The following ATP2B4 variants were observed in gnomAD, a reference collection of about 807,000 sequenced individuals.
The protein encoded by ATP2B4 is plasma membrane calcium-transporting ATPase 4.
Under a neutral mutation model 110.3 loss-of-function variants are expected in ATP2B4, and 39 were observed. That is an observed-to-expected ratio of 0.35 (90% CI 0.27 to 0.46). The LOEUF is 0.46. ATP2B4 is among the 20% of genes least tolerant of loss of function. The pLI is 1.00. For synonymous variants in ATP2B4, 538 were observed against 571.7 expected, an observed-to-expected ratio of 0.94 and a Z score of 0.84; for missense variants, 1,135 against 1,530.9, an observed-to-expected ratio of 0.74 and a Z score of 4.32.
intron 1 of ATP2B4, among the ~76,000 whole-genome samples, chr1:203,642,695 C>T (rs1663667770): frequency 6.6e-6 from 1 of 152,164 alleles, no homozygotes; most frequent in Non-Finnish European, 1.5e-5. Flanking sequence ...TGCCCTGTGT[C>T]CTAAATCACC....
chr1:203,725,184 G>A (rs1306482875), intron 19 of ATP2B4, among the ~76,000 whole-genome samples: 1 of 150,532 alleles, frequency 6.6e-6, no homozygotes, highest in Non-Finnish European at 1.5e-5. Flanking sequence ...CCCAGCTCTT[G>A]TTGCCCAGGC....
chr1:203,645,947 A>G (rs1445901786), intron 1 of ATP2B4, among the ~76,000 whole-genome samples: 1 of 151,144 alleles, frequency 6.6e-6, no homozygotes, highest in Non-Finnish European at 1.5e-5. Flanking sequence ...TCGTATGATC[A>G]TTCTTGTTTC....
At chr1:203,656,865 C>A in intron 1 of ATP2B4, 1 of 424,732 alleles carries the variant, frequency 2.4e-6, no homozygotes. Context: ...TGTAATAAAT[C>A]TCTTGATTGC....
Position 203,669,812 on chromosome 1 carries a change from T to C in ATP2B4, c.-464-12930T>C, listed in dbSNP as rs1411280392. On this transcript the variant is annotated intron_variant, in intron 1 of 20. Coordinates refer to ENST00000357681, the MANE Select transcript of ATP2B4 (RefSeq NM_001684.5). ...GGATGGAACAGAGAGAGGTGGCTCA[T>C]TCATTAATTGCACAGGTTAGGCCAG... Among the ~76,000 whole-genome samples the C allele has an allele frequency of 3.9e-5, 6 of 152,304 alleles. No individual in the cohort carries two copies. The East Asian group carries it at 9.6e-4, about 24-fold the overall frequency.
At chr1:203,648,103 T>C (rs1217219991) in intron 1 of ATP2B4, among the ~76,000 whole-genome samples, 1 of 152,140 alleles carries the variant, frequency 6.6e-6, no homozygotes, top group African/African-American at 2.4e-5. Context: ...CCTGTAAATC[T>C]GTGAGTGAGA....
intron 9 of ATP2B4, among the ~76,000 whole-genome samples, chr1:203,707,512 C>A (rs1362239195): frequency 6.6e-6 from 1 of 151,730 alleles, no homozygotes; most frequent in Non-Finnish European, 1.5e-5. Context: ...AATGATGCAA[C>A]CTCCGCCTCC....
At chr1:203,731,849 CAAAAAAA>C in intron 20 of ATP2B4, among the ~76,000 whole-genome samples, 1 of 51,074 alleles carries the variant, frequency 2.0e-5, no homozygotes, top group African/African-American at 9.0e-5. Context: ...GACTCTGTCT[CAAAAAAA>C]AAAAAAAAAA....
chr1:203,671,350 AT>A (rs1243213688), intron 1 of ATP2B4, among the ~76,000 whole-genome samples: 2 of 152,124 alleles, frequency 1.3e-5, no homozygotes, highest in Admixed American at 6.5e-5. Context: ...GATAAAAAAA[AT>A]AAGTCTCACT....
chr1:203,640,667 A>T (rs1396710403), intron 1 of ATP2B4, among the ~76,000 whole-genome samples: 1 of 152,196 alleles, frequency 6.6e-6, no homozygotes, highest in Non-Finnish European at 1.5e-5. Context: ...AGAAGTAATA[A>T]TCGAGCTAAC....
rs35019828 is a variant in ATP2B4 at position 203,704,467 on chromosome 1, C to CTTTTTTTTTTT, written c.1099+675_1099+685dup. On this transcript the variant is annotated intron_variant, in intron 8 of 20. Transcript: ENST00000357681. ...GTGGACATATCTCTCAAGGAACAGT[C>CTTTTTTTTTTT]TTTTTTTTTTTTTTTTTTTTTTTTT... Among the ~76,000 whole-genome samples, 13 of 68,792 alleles carry CTTTTTTTTTTT rather than the reference C, an allele frequency of 1.9e-4. 2 individuals are homozygous for CTTTTTTTTTTT. The East Asian group carries it at 2.1e-3, about 11-fold the overall frequency. 45.1% of individuals were successfully genotyped at this position (68,792 alleles called of 152,430 possible). A position where few individuals can be genotyped will look rare whatever the true frequency, so the allele number is the denominator to read the frequency against.
chr1:203,647,452 TAAC>T (rs897227414), intron 1 of ATP2B4, among the ~76,000 whole-genome samples: 95 of 148,188 alleles, frequency 6.4e-4, no homozygotes, highest in East Asian at 2.0e-4. Flanking sequence ...AAACAGAAAA[TAAC>T]AACAACAACA....
Position 203,664,507 on chromosome 1 carries a change from T to C in ATP2B4, c.-464-18235T>C, listed in dbSNP as rs1664443821. On this transcript the variant is annotated intron_variant, in intron 1 of 20. Transcript: ENST00000357681. ...TCAACTTTGGTATGGGGTAGATGACTTTTTGATCCCCATTTTTTTAGATGA... is the reference window on the plus strand; with the variant it reads ...TCAACTTTGGTATGGGGTAGATGACCTTTTGATCCCCATTTTTTTAGATGA... 3.3e-5 allele frequency among the ~76,000 whole-genome samples: 5 copies of C among 152,238 alleles called. No individual in the cohort carries two copies. The South Asian group carries it at 1.0e-3, about 31-fold the overall frequency.
intron 13 of ATP2B4, among the ~76,000 whole-genome samples, chr1:203,712,462 G>A (rs183104153): frequency 6.6e-6 from 1 of 152,170 alleles, no homozygotes; most frequent in African/African-American, 2.4e-5. Flanking sequence ...ATGGTGGCGT[G>A]CACCTGTAGT....
At chr1:203,721,535 T>C in intron 17 of ATP2B4, 125 bp downstream of exon 17, 2 of 928,404 alleles carry the variant, frequency 2.2e-6, no homozygotes, top group Non-Finnish European at 3.3e-6. Context: ...CAGTGCTTGC[T>C]GTGCTCCCGC....
intron 1 of ATP2B4, among the ~76,000 whole-genome samples, chr1:203,644,169 G>C (rs1313228491): frequency 6.7e-6 from 1 of 150,096 alleles, no homozygotes; most frequent in Admixed American, 6.7e-5. Flanking sequence ...AGAATTGCTT[G>C]AACCCTGGAG....
intron 1 of ATP2B4, among the ~76,000 whole-genome samples, chr1:203,678,842 A>G (rs1571713201): frequency 6.6e-6 from 1 of 152,318 alleles, no homozygotes; most frequent in Non-Finnish European, 1.5e-5. Flanking sequence ...CCACTTTTTT[A>G]TCTCCCTGTA....
At chr1:203,639,221 G>T (rs1663554619) in intron 1 of ATP2B4, among the ~76,000 whole-genome samples, 1 of 152,180 alleles carries the variant, frequency 6.6e-6, no homozygotes, top group Non-Finnish European at 1.5e-5. Flanking sequence ...AGAGGGCGGG[G>T]CCACCATAAT....
In ATP2B4 at chr1:203,707,861, G is replaced by A; in HGVS notation, c.1315-1G>A. ...CAAGTCTTTTCTCTTCTCCTTTGTA[G>A]AAAATGATGAAAGACAATAACCTAG... On this transcript the variant is annotated splice_acceptor_variant, in intron 9 of 20. Transcript: ENST00000357681. LOFTEE classifies it high-confidence loss of function. 1 of 1,613,642 alleles carries A rather than the reference G, an allele frequency of 6.2e-7. No homozygotes were observed.
chr1:203,673,877 G>T (rs776320233), intron 1 of ATP2B4, among the ~76,000 whole-genome samples: 5 of 152,092 alleles, frequency 3.3e-5, no homozygotes, highest in East Asian at 3.9e-4. Flanking sequence ...GTCCCGACCC[G>T]GTAGCCCAGG....
Sources: allele counts gnomAD v4.1 joint callset (sites outside exome capture counted in the v4.1 genomes callset), GRCh38; gene constraint gnomAD v4.1.1; transcripts MANE v1.5; gene names NCBI Gene and HGNC (gene_info 2026-07-23, HGNC 2026-07-21).